The following PCDH9 variants were observed in gnomAD, a reference collection of about 807,000 sequenced individuals.
PCDH9 encodes the protein protocadherin-9.
In PCDH9, 24 loss-of-function variants were observed where a neutral mutation model predicts 70.6. The observed-to-expected ratio is 0.34, with a 90% CI of 0.25 to 0.48. The LOEUF is 0.48. Ranked by LOEUF, PCDH9 falls within the 20% of genes least tolerant of loss-of-function variation. The probability of loss-of-function intolerance (pLI) is 0.99; values close to 1 mark genes in which losing one functional copy is unlikely to be tolerated. For missense variants in PCDH9, 1,281 were observed against 1,503.6 expected (o/e 0.85, Z 2.45); for synonymous variants, 562 against 558.5 (o/e 1.01, Z -0.09).
At chr13:66,866,211 G>C (rs1463146117) in intron 3 of PCDH9, among the ~76,000 whole-genome samples, 1 of 152,152 alleles carries the variant, frequency 6.6e-6, no homozygotes, top group Admixed American at 6.5e-5. Context: ...GGCCATGCGC[G>C]GTGACTCACG....
intron 3 of PCDH9, among the ~76,000 whole-genome samples, chr13:66,888,020 A>G (rs147846825): frequency 2.3e-4 from 35 of 152,334 alleles, no homozygotes; most frequent in Admixed American, 6.5e-4. Context: ...TCACTCTATG[A>G]TATATCAAAT....
At chr13:66,841,161 A>C (rs770168857) in intron 3 of PCDH9, among the ~76,000 whole-genome samples, 1 of 152,254 alleles carries the variant, frequency 6.6e-6, no homozygotes, top group Non-Finnish European at 1.5e-5. Flanking sequence ...ATTAAAAGAC[A>C]GATAGCTTTA....
chr13:66,831,750 T>G (rs1357984895), intron 3 of PCDH9, among the ~76,000 whole-genome samples: 3 of 152,186 alleles, frequency 2.0e-5, no homozygotes, highest in African/African-American at 7.2e-5. Context: ...ACCTCAGATT[T>G]ATAATGTGAG....
intron 2 of PCDH9, among the ~76,000 whole-genome samples, chr13:66,983,824 T>G (rs2083830408): frequency 3.3e-5 from 5 of 151,820 alleles, no homozygotes. Flanking sequence ...TTTTGTTTTT[T>G]TTTGTTTTTG....
chr13:66,683,897 T>C (rs1050606181), intron 3 of PCDH9, among the ~76,000 whole-genome samples: 34 of 152,322 alleles, frequency 2.2e-4, no homozygotes, highest in Admixed American at 1.8e-3. Context: ...CATAGTGATA[T>C]ATCCAGTGTA....
chr13:66,317,445 T>C (rs1955674141), intron 4 of PCDH9, among the ~76,000 whole-genome samples: 1 of 152,192 alleles, frequency 6.6e-6, no homozygotes, highest in African/African-American at 2.4e-5. Flanking sequence ...AGATCACTTA[T>C]CTCCCAGCTA....
At chr13:66,799,932 C>T (rs150716067) in intron 3 of PCDH9, among the ~76,000 whole-genome samples, 1 of 152,224 alleles carries the variant, frequency 6.6e-6, no homozygotes, top group African/African-American at 2.4e-5. Context: ...ACCATCTTGG[C>T]CCTGGTCAAC....
chr13:66,332,501 T>C (rs1192642799), intron 4 of PCDH9, among the ~76,000 whole-genome samples: 1 of 152,130 alleles, frequency 6.6e-6, no homozygotes, highest in African/African-American at 2.4e-5. Context: ...TAAATACTGA[T>C]TCTACAGACT....
chr13:66,413,708 A>G (rs1282373860), intron 4 of PCDH9, among the ~76,000 whole-genome samples: 1 of 151,866 alleles, frequency 6.6e-6, no homozygotes, highest in East Asian at 1.9e-4. Flanking sequence ...AAAATAAAAT[A>G]AAATAAAATA....
intron 4 of PCDH9, among the ~76,000 whole-genome samples, chr13:66,531,572 A>G (rs1442648409): frequency 2.0e-5 from 3 of 152,040 alleles, no homozygotes; most frequent in African/African-American, 7.2e-5. Context: ...TCTAAACTAA[A>G]GGAAGAAAAG....
intron 4 of PCDH9, among the ~76,000 whole-genome samples, chr13:66,518,877 A>T (rs976205349): frequency 6.6e-6 from 1 of 152,192 alleles, no homozygotes; most frequent in Non-Finnish European, 1.5e-5. Context: ...ACCAGGGCAA[A>T]TTGCTTTATT....
intron 4 of PCDH9, among the ~76,000 whole-genome samples, chr13:66,334,886 T>G (rs2138128326): frequency 6.6e-6 from 1 of 152,210 alleles, no homozygotes. Flanking sequence ...CTACCCCATA[T>G]AATCATGTAA....
chr13:66,485,456 A>G (rs902257730), intron 4 of PCDH9, among the ~76,000 whole-genome samples: 17 of 152,220 alleles, frequency 1.1e-4, no homozygotes, highest in Non-Finnish European at 2.1e-4. Flanking sequence ...TTTCATGTAT[A>G]TACCTACATC....
At chr13:66,715,368 G>A (rs1466843093) in intron 3 of PCDH9, among the ~76,000 whole-genome samples, 3 of 151,888 alleles carry the variant, frequency 2.0e-5, no homozygotes, top group Admixed American at 6.6e-5. Context: ...TTTGTGTTTC[G>A]GTAATGCTAA....
chr13:67,064,077 C>A (rs576667326), intron 2 of PCDH9, among the ~76,000 whole-genome samples: 44 of 152,200 alleles, frequency 2.9e-4, no homozygotes, highest in African/African-American at 1.1e-3. Flanking sequence ...AAAATTGTCC[C>A]ATCTGGTCCC....
At chr13:66,735,562 C>A (rs2079135498) in intron 3 of PCDH9, among the ~76,000 whole-genome samples, 1 of 152,068 alleles carries the variant, frequency 6.6e-6, no homozygotes, top group African/African-American at 2.4e-5. Flanking sequence ...TATGAAGGAA[C>A]TGTGTTTTAA....
chr13:66,416,543 C>A (rs758387673), intron 4 of PCDH9, among the ~76,000 whole-genome samples: 1 of 152,092 alleles, frequency 6.6e-6, no homozygotes, highest in African/African-American at 2.4e-5. Context: ...TTTCAGAAGT[C>A]AGTTAGCTAT....
intron 4 of PCDH9, among the ~76,000 whole-genome samples, chr13:66,346,637 G>T (rs1956217099): frequency 6.6e-6 from 1 of 152,018 alleles, no homozygotes; most frequent in Admixed American, 6.6e-5. Context: ...GAGCAGCCTG[G>T]GTATCTAGGA....
At chr13:66,592,019 T>A (rs2077044909) in intron 4 of PCDH9, among the ~76,000 whole-genome samples, 1 of 151,698 alleles carries the variant, frequency 6.6e-6, no homozygotes, top group Non-Finnish European at 1.5e-5. Flanking sequence ...ATTTAATGAA[T>A]TCTACATCAC....
Sources: gnomAD v4.1 joint callset for allele counts (sites outside exome capture counted in the v4.1 genomes callset) on GRCh38, gnomAD v4.1.1 for gene constraint, MANE v1.5 for transcripts, NCBI Gene and HGNC (gene_info 2026-07-23, HGNC 2026-07-21) for gene names.